Variants in IL16 observed in about 807,000 individuals in gnomAD.
IL16 encodes pro-interleukin-16.
IL16 carries 67 observed loss-of-function variants against 110.1 expected under a neutral mutation model. That is an observed-to-expected ratio of 0.61 (90% confidence interval 0.50 to 0.75). The LOEUF (loss-of-function observed/expected upper bound fraction) is 0.75, where lower values mean the gene tolerates loss of function less well. Ranked by LOEUF, IL16 falls within the 30% of genes least tolerant of loss-of-function variation. The pLI is 0.00. For missense variants in IL16, 1,545 were observed against 1,655.0 expected (o/e 0.93, Z 1.15); for synonymous variants, 689 against 662.9 (o/e 1.04, Z -0.61).
At chr15:81,212,820 T>C (rs961726230) in intron 1 of IL16, among the ~76,000 whole-genome samples, 1 of 152,262 alleles carries the variant, frequency 6.6e-6, no homozygotes, top group Non-Finnish European at 1.5e-5. Context: ...ATTTATTTTC[T>C]TGAAAAAACA....
upstream of IL16, among the ~76,000 whole-genome samples, chr15:81,192,471 T>C (rs1355821293): frequency 6.6e-6 from 1 of 151,820 alleles, no homozygotes; most frequent in Non-Finnish European, 1.5e-5. Context: ...TAGCCAAATG[T>C]GGTGGCATGT....
intron 2 of IL16, among the ~76,000 whole-genome samples, chr15:81,244,130 G>A (rs918367718): frequency 9.2e-5 from 14 of 151,884 alleles, no homozygotes; most frequent in African/African-American, 1.5e-4. Context: ...TACCTACCTC[G>A]TTTATGCTAT....
chr15:81,299,659 C>A lies in IL16; in HGVS notation c.2333C>A (p.Thr778Asn). ...GTTTACAAGTCAGCAGACAGCAGCA[C>A]TGTGAAGAAAGGTCCTCCTGTGGCT... is the stretch of plus-strand genomic sequence containing the variant. ...PKVYKSADSS[T>N]VKKGPPVAPK... Residue 778 changes from threonine (T) to asparagine (N), a missense_variant, in exon 14 of 19, where the codon ACT (threonine) becomes AAT (asparagine). Physicochemically the swap from Thr to Asn is moderately conservative, Grantham distance 65. Coordinates refer to ENST00000683961, the MANE Select transcript of IL16 (RefSeq NM_172217.5). 5 of 1,614,260 alleles carry A rather than the reference C, an allele frequency of 3.1e-6. No homozygotes were observed. The highest frequency in any genetic ancestry group is 4.2e-6 in the Non-Finnish European group (5 of 1,180,046).
intron 1 of IL16, among the ~76,000 whole-genome samples, chr15:81,211,423 G>A (rs940339390): frequency 1.3e-5 from 2 of 151,922 alleles, no homozygotes; most frequent in Non-Finnish European, 2.9e-5. Flanking sequence ...AGCTAATTTT[G>A]CAGTTTTTAG....
intron 2 of IL16, among the ~76,000 whole-genome samples, chr15:81,232,042 GTTTTTTTT>G: frequency 5.2e-5 from 3 of 57,694 alleles, no homozygotes; most frequent in Non-Finnish European, 6.7e-5. Flanking sequence ...ATTTGTTCTT[GTTTTTTTT>G]TTTTTTTTTT....
chr15:81,303,765 G>C lies in IL16; in HGVS notation c.3420+115G>C, dbSNP rs1261982783. The stretch of plus-strand genomic sequence containing the variant: ...GGGAAATGAAGAATGCATGACACTA[G>C]GCCACTGGGCAGGTCCTGTCCACTC... On this transcript the variant is annotated intron_variant, in intron 16 of 18. Transcript: ENST00000683961. The surrounding 1 kb of genome is among the most constrained non-coding windows in gnomAD (Gnocchi z 4.1). 1 of 719,560 alleles carries C rather than the reference G, an allele frequency of 1.4e-6. No homozygotes were observed. The highest frequency in any genetic ancestry group is 2.5e-6 in the Non-Finnish European group (1 of 400,248). The allele number at this position is 719,560 out of a possible 1,614,324, so 44.6% of individuals were successfully genotyped here.
At chr15:81,265,897 T>G (rs1033518789) in intron 4 of IL16, 96 bp downstream of exon 4, 2 of 1,193,544 alleles carry the variant, frequency 1.7e-6, no homozygotes, top group African/African-American at 3.1e-5. Context: ...TTCCCAGTAG[T>G]TTTTTTGTCC....
intron 2 of IL16, among the ~76,000 whole-genome samples, chr15:81,248,838 A>C (rs932475760): frequency 1.3e-5 from 2 of 149,474 alleles, no homozygotes; most frequent in Non-Finnish European, 3.0e-5. Context: ...CTCCTGCCTC[A>C]GCCTCCCAAG....
At chr15:81,202,340 G>T (rs1895848774) in intron 1 of IL16, among the ~76,000 whole-genome samples, 1 of 152,150 alleles carries the variant, frequency 6.6e-6, no homozygotes, top group Non-Finnish European at 1.5e-5. Flanking sequence ...GACAGCTTTG[G>T]GGGTCTGTAT....
intron 1 of IL16, among the ~76,000 whole-genome samples, chr15:81,205,995 G>A (rs1017692881): frequency 2.6e-5 from 4 of 152,110 alleles, no homozygotes; most frequent in African/African-American, 7.2e-5. Context: ...AACATAAAGC[G>A]TCGAAATATG....
chr15:81,253,714 A>T (rs1469680498), intron 2 of IL16, among the ~76,000 whole-genome samples: 2 of 152,218 alleles, frequency 1.3e-5, no homozygotes, highest in Non-Finnish European at 2.9e-5. Flanking sequence ...TGTAAAATAT[A>T]TTTTTAAAAT....
intron 1 of IL16, among the ~76,000 whole-genome samples, chr15:81,187,906 C>G (rs1047443916): frequency 6.6e-6 from 1 of 152,120 alleles, no homozygotes; most frequent in Non-Finnish European, 1.5e-5. Context: ...GGAGAGTGGT[C>G]CTGGCTATCT....
chr15:81,207,482 A>G (rs977712722), intron 1 of IL16, among the ~76,000 whole-genome samples: 3 of 151,982 alleles, frequency 2.0e-5, no homozygotes, highest in African/African-American at 7.3e-5. Context: ...TGAGCATAAT[A>G]CCCCATATGT....
chr15:81,251,253 A>T (rs1897758370), intron 2 of IL16, among the ~76,000 whole-genome samples: 1 of 152,042 alleles, frequency 6.6e-6, no homozygotes, highest in Non-Finnish European at 1.5e-5. Context: ...TGCAATCTCA[A>T]CCTCTTGGGC....
At position 81,209,468 on chromosome 15, in the gene IL16, A is replaced by G. The variant is rs534418727; in HGVS notation, c.-102+12316A>G. Among the ~76,000 whole-genome samples, 44 of 152,222 alleles carry G rather than the reference A, an allele frequency of 2.9e-4. 1 individual carries two copies. Among genetic ancestry groups the G allele is most frequent in the African/African-American group, 9.9e-4 (41 of 41,530 alleles). On this transcript the variant is annotated intron_variant, in intron 1 of 18. Transcript: ENST00000683961. Reference sequence around the variant, plus strand: ...GATGAGCACAGTGGAGTCAAGTCTGAGGCAGGGATGAACTGGGACAACAGA... The same window carrying G: ...GATGAGCACAGTGGAGTCAAGTCTGGGGCAGGGATGAACTGGGACAACAGA...
At chr15:81,226,653 G>A (rs935746956) in intron 2 of IL16, among the ~76,000 whole-genome samples, 1 of 152,174 alleles carries the variant, frequency 6.6e-6, no homozygotes. Context: ...TTTGTGTTAA[G>A]GGCCTTAAGG....
At chr15:81,201,563 T>A (rs966493945) in intron 1 of IL16, among the ~76,000 whole-genome samples, 3 of 152,200 alleles carry the variant, frequency 2.0e-5, no homozygotes, top group Admixed American at 2.0e-4. Flanking sequence ...CAGATCATAT[T>A]TTGGGTTTCT....
At chr15:81,273,280 A>T in intron 6 of IL16, 76 bp downstream of exon 6, 1 of 1,064,092 alleles carries the variant, frequency 9.4e-7, no homozygotes, top group East Asian at 2.5e-5. Context: ...GCCATAGAAG[A>T]TGTTGGGAAT....
chr15:81,243,932 T>C (rs1380916152), intron 2 of IL16, among the ~76,000 whole-genome samples: 1 of 152,152 alleles, frequency 6.6e-6, no homozygotes, highest in Admixed American at 6.5e-5. Context: ...AATTTGTGTC[T>C]TCTATTTTTT....
Sources: allele counts gnomAD v4.1 joint callset (sites outside exome capture counted in the v4.1 genomes callset), GRCh38; gene constraint gnomAD v4.1.1; non-coding constraint Gnocchi (gnomAD v3.1); transcripts MANE v1.5; gene names NCBI Gene and HGNC (gene_info 2026-07-23, HGNC 2026-07-21).